MSRA: variants seen among roughly 807,000 people sequenced by gnomAD.
The protein encoded by MSRA is methionine sulfoxide reductase A.
A neutral mutation model predicts 31.3 loss-of-function variants in MSRA; 54 were observed. That is an observed-to-expected ratio of 1.73 (90% CI 1.39 to 2.17). MSRA has a LOEUF of 2.17. Ranked by LOEUF, MSRA falls within the 30% of genes most tolerant of loss-of-function variation. The pLI, the probability that MSRA is intolerant of heterozygous loss-of-function variation, is 0.00. For synonymous variants in MSRA, 169 were observed against 116.5 expected, an observed-to-expected ratio of 1.45 and a Z score of -2.90; for missense variants, 507 against 300.9, an observed-to-expected ratio of 1.69 and a Z score of -5.07.
chr8:10,401,181 A>G lies in MSRA; in HGVS notation c.544-26967A>G, dbSNP rs187290257. On this transcript the variant is annotated intron_variant, in intron 5 of 5. Transcript: ENST00000317173. Reference sequence around the variant, plus strand: ...GATAAGGGATTAATGTCCAGAAAATATTTTTAAAACCCATACAACTCAACA... The same window carrying G: ...GATAAGGGATTAATGTCCAGAAAATGTTTTTAAAACCCATACAACTCAACA... Among the ~76,000 whole-genome samples, 593 of 152,334 alleles carry G rather than the reference A, an allele frequency of 3.9e-3. 15 individuals are homozygous for G. The highest frequency in any genetic ancestry group is 4.2e-3 in the Non-Finnish European group (286 of 68,032).
In MSRA at chr8:10,229,637, A is replaced by G. The variant is rs945927372; in HGVS notation, c.212-15467A>G. Among the ~76,000 whole-genome samples, 4 of 152,268 alleles carry G rather than the reference A, an allele frequency of 2.6e-5. No individual in the cohort carries two copies. In the East Asian group the frequency reaches 7.7e-4, roughly 29 times the overall value. ...ACAGAGTGGACACGAACGCTTACTG[A>G]GTACCTCATAGATGAAATCCCCTCA... On this transcript the variant is annotated intron_variant, in intron 2 of 5. Coordinates refer to ENST00000317173, the MANE Select transcript of MSRA (RefSeq NM_012331.5).
At chr8:10,122,855 A>G (rs1801226560) in intron 1 of MSRA, among the ~76,000 whole-genome samples, 1 of 152,200 alleles carries the variant, frequency 6.6e-6, no homozygotes, top group Admixed American at 6.5e-5. Context: ...GTTGCTGCGA[A>G]AGACATGATG....
chr8:10,394,728 G>T (rs139609441), intron 5 of MSRA, among the ~76,000 whole-genome samples: 6 of 152,374 alleles, frequency 3.9e-5, no homozygotes, highest in Admixed American at 3.9e-4. Context: ...TGCCCCAGCA[G>T]ATTGTATCAG....
At chr8:10,113,332 T>TGCTGA (rs1407008653) in intron 1 of MSRA, among the ~76,000 whole-genome samples, 1 of 126,986 alleles carries the variant, frequency 7.9e-6, no homozygotes, top group Non-Finnish European at 1.6e-5. Flanking sequence ...TGTGTTTAAA[T>TGCTGA]GCTGAGCGAA....
intron 5 of MSRA, among the ~76,000 whole-genome samples, chr8:10,324,358 G>T (rs1802238881): frequency 6.6e-6 from 1 of 152,178 alleles, no homozygotes; most frequent in African/African-American, 2.4e-5. Context: ...ATTGTAGAGG[G>T]GTGGAGCATG....
intron 5 of MSRA, among the ~76,000 whole-genome samples, chr8:10,408,281 A>T (rs1228701498): frequency 6.6e-6 from 1 of 152,210 alleles, no homozygotes; most frequent in African/African-American, 2.4e-5. Flanking sequence ...TCATGCTTGT[A>T]ATCCCAGCAC....
intron 2 of MSRA, among the ~76,000 whole-genome samples, chr8:10,222,675 G>A (rs1293422975): frequency 6.6e-6 from 1 of 152,188 alleles, no homozygotes; most frequent in Non-Finnish European, 1.5e-5. Flanking sequence ...AGGAAATCCT[G>A]TCGTTGGCAA....
At chr8:10,156,259 A>G (rs982211722) in intron 1 of MSRA, among the ~76,000 whole-genome samples, 2 of 152,230 alleles carry the variant, frequency 1.3e-5, no homozygotes, top group Non-Finnish European at 2.9e-5. Context: ...AATCGGGGAA[A>G]TGTGAGTGTG....
chr8:10,149,331 C>T (rs937538406), intron 1 of MSRA, among the ~76,000 whole-genome samples: 2 of 152,090 alleles, frequency 1.3e-5, no homozygotes, highest in East Asian at 3.9e-4. Context: ...CTGTGTTGAC[C>T]AGGCTGGTCT....
intron 5 of MSRA, among the ~76,000 whole-genome samples, chr8:10,385,453 C>G (rs537214355): frequency 2.6e-5 from 4 of 152,004 alleles, no homozygotes; most frequent in Non-Finnish European, 5.9e-5. Context: ...TGGTACATGG[C>G]GGGTGGAAGC....
chr8:10,070,491 G>T (rs1797675273), intron 1 of MSRA, among the ~76,000 whole-genome samples: 1 of 152,218 alleles, frequency 6.6e-6, no homozygotes, highest in Admixed American at 6.5e-5. Context: ...GTTGTACTCT[G>T]TGGATCTGTT....
At chr8:10,136,770 C>G (rs1413959489) in intron 1 of MSRA, among the ~76,000 whole-genome samples, 1 of 152,198 alleles carries the variant, frequency 6.6e-6, no homozygotes, top group African/African-American at 2.4e-5. Flanking sequence ...TTGCAGGACA[C>G]ACTTCATTGC....
chr8:10,098,099 C>G (rs529305174), intron 1 of MSRA, among the ~76,000 whole-genome samples: 16 of 152,202 alleles, frequency 1.1e-4, no homozygotes, highest in Non-Finnish European at 1.9e-4. Context: ...TTAGTTGTAA[C>G]ATAATGCATG....
At chr8:10,213,433 T>C (rs926172095) in intron 2 of MSRA, among the ~76,000 whole-genome samples, 5 of 64,780 alleles carry the variant, frequency 7.7e-5, no homozygotes, top group Non-Finnish European at 1.1e-4. Context: ...CCACACTTTC[T>C]TTTTTTTTTT....
chr8:10,313,003 C>T (rs543735513), intron 4 of MSRA, among the ~76,000 whole-genome samples: 4 of 152,268 alleles, frequency 2.6e-5, no homozygotes, highest in African/African-American at 9.6e-5. Flanking sequence ...AGTGGGGGTC[C>T]TAGCTCATGC....
At chr8:10,176,643 T>C (rs1806077687) in intron 1 of MSRA, among the ~76,000 whole-genome samples, 1 of 152,210 alleles carries the variant, frequency 6.6e-6, no homozygotes, top group Non-Finnish European at 1.5e-5. Flanking sequence ...GTGTGAAGAA[T>C]AAAGGTACAG....
At chr8:10,257,668 G>T (rs1798254596) in intron 3 of MSRA, among the ~76,000 whole-genome samples, 1 of 152,004 alleles carries the variant, frequency 6.6e-6, no homozygotes, top group East Asian at 1.9e-4. Context: ...TTCAATTAAC[G>T]GCACCTCAAT....
At chr8:10,060,982 A>G (rs1000225682) in intron 1 of MSRA, among the ~76,000 whole-genome samples, 1 of 152,184 alleles carries the variant, frequency 6.6e-6, no homozygotes, top group Admixed American at 6.5e-5. Flanking sequence ...GTTTTCCCCA[A>G]TGTGTGATTA....
At chr8:10,176,601 C>T (rs550498996) in intron 1 of MSRA, among the ~76,000 whole-genome samples, 1 of 152,350 alleles carries the variant, frequency 6.6e-6, no homozygotes, top group South Asian at 2.1e-4. Flanking sequence ...TTTAACTTTT[C>T]CCCAAATACT....
Sources: gnomAD v4.1 joint callset for allele counts (sites outside exome capture counted in the v4.1 genomes callset) on GRCh38, gnomAD v4.1.1 for gene constraint, MANE v1.5 for transcripts, NCBI Gene and HGNC (gene_info 2026-07-23, HGNC 2026-07-21) for gene names.